PREX1: variants seen among roughly 807,000 people sequenced by gnomAD.
PREX1 encodes phosphatidylinositol-3,4,5-trisphosphate dependent Rac exchange factor 1.
Under a neutral mutation model 198.3 loss-of-function variants are expected in PREX1, and 41 were observed. That is an observed-to-expected ratio of 0.21 (90% CI 0.16 to 0.27). PREX1 has a LOEUF of 0.27. PREX1 is among the 10% of genes least tolerant of loss of function. PREX1 has a pLI of 1.00. For missense variants in PREX1, 1,620 were observed against 2,200.7 expected (o/e 0.74, Z 5.28); for synonymous variants, 843 against 887.2 (o/e 0.95, Z 0.89).
chr20:48,840,982 G>A, the PREX1 span, among the ~76,000 whole-genome samples: 1 of 149,826 alleles, frequency 6.7e-6, no homozygotes, highest in South Asian at 2.1e-4. Context: ...AAAAAAATGT[G>A]CAGATGGGGG....
chr20:48,637,853 C>A, intron 30 of PREX1, 101 bp from the exon 31 acceptor site: 2 of 1,038,610 alleles, frequency 1.9e-6, no homozygotes, highest in Non-Finnish European at 2.9e-6. Flanking sequence ...CCAAGGTGCT[C>A]TGACCCTTCA....
the PREX1 span, among the ~76,000 whole-genome samples, chr20:48,848,247 T>C: frequency 6.6e-6 from 1 of 151,012 alleles, no homozygotes; most frequent in African/African-American, 2.5e-5. Context: ...TTACATTTTT[T>C]CTTTTTTTTT....
chr20:48,626,982 G>A (rs1369772802), intron 39 of PREX1, among the ~76,000 whole-genome samples: 17 of 152,190 alleles, frequency 1.1e-4, no homozygotes, highest in Admixed American at 1.0e-3. Context: ...AGGGCAGGGT[G>A]GGAGGACAGG....
chr20:48,788,734 G>T (rs903376558), intron 1 of PREX1, among the ~76,000 whole-genome samples: 2 of 152,186 alleles, frequency 1.3e-5, no homozygotes, highest in African/African-American at 4.8e-5. Flanking sequence ...CAGAGGTGGG[G>T]CCTGTAAGAG....
intron 3 of PREX1, among the ~76,000 whole-genome samples, chr20:48,742,683 G>T (rs73911669): frequency 6.6e-6 from 1 of 152,158 alleles, no homozygotes; most frequent in Non-Finnish European, 1.5e-5. Context: ...GCAGAAGAGA[G>T]GACACGGAAA....
chr20:48,716,402 G>GTT (rs1241721752), intron 5 of PREX1, among the ~76,000 whole-genome samples: 1 of 152,174 alleles, frequency 6.6e-6, no homozygotes, highest in Non-Finnish European at 1.5e-5. Context: ...CAGCATGGCC[G>GTT]TAAGAGGCAG....
At chr20:48,643,353 C>T (rs1031969736) in intron 27 of PREX1, among the ~76,000 whole-genome samples, 5 of 152,060 alleles carry the variant, frequency 3.3e-5, no homozygotes, top group African/African-American at 1.2e-4. Context: ...CCTGTAATCC[C>T]AGCTACTCAG....
intron 5 of PREX1, among the ~76,000 whole-genome samples, chr20:48,715,151 G>C (rs1287244168): frequency 6.6e-6 from 1 of 152,212 alleles, no homozygotes; most frequent in East Asian, 1.9e-4. Context: ...GCCCAGAGAA[G>C]AGTATTTCTG....
the PREX1 span, among the ~76,000 whole-genome samples, chr20:48,849,087 C>A: frequency 1.3e-5 from 2 of 149,008 alleles, no homozygotes; most frequent in South Asian, 2.1e-4. Flanking sequence ...CAGAGGAAGA[C>A]CCTGTCTCAA....
At chr20:48,794,352 C>T (rs974238755) in intron 1 of PREX1, among the ~76,000 whole-genome samples, 15 of 152,138 alleles carry the variant, frequency 9.9e-5, no homozygotes, top group African/African-American at 3.1e-4. Context: ...AGGCAAGGGG[C>T]GGACAGAGAG....
the PREX1 span, among the ~76,000 whole-genome samples, chr20:48,847,364 T>TAAAAAAAAAAAAAAAAAAAAAAAAAAAA: frequency 2.6e-5 from 2 of 77,236 alleles, no homozygotes; most frequent in Non-Finnish European, 5.2e-5. Context: ...CCTTCTCTTA[T>TAAAAAAAAAAAAAAAAAAAAAAAAAAAA]AAAAAAAAAA....
intron 1 of PREX1, among the ~76,000 whole-genome samples, chr20:48,770,568 G>C (rs1293588726): frequency 6.6e-6 from 1 of 152,194 alleles, no homozygotes; most frequent in Non-Finnish European, 1.5e-5. Context: ...AAATTAGCCA[G>C]ACATGGTGGT....
At chr20:48,814,029 G>T (rs1372456832) in intron 1 of PREX1, among the ~76,000 whole-genome samples, 1 of 152,146 alleles carries the variant, frequency 6.6e-6, no homozygotes, top group African/African-American at 2.4e-5. Context: ...TCCCTGACGT[G>T]GCAAATAAAA....
intron 16 of PREX1, among the ~76,000 whole-genome samples, chr20:48,659,369 GA>G (rs2089572747): frequency 6.6e-6 from 1 of 151,464 alleles, no homozygotes; most frequent in African/African-American, 2.4e-5. Context: ...GAGAGAAGGG[GA>G]GGGGAGGGGA....
At chr20:48,770,374 G>C (rs549848508) in intron 1 of PREX1, among the ~76,000 whole-genome samples, 6 of 152,302 alleles carry the variant, frequency 3.9e-5, no homozygotes, top group Admixed American at 3.3e-4. Flanking sequence ...AAGCAGCTCA[G>C]AGGAGGTCAG....
intron 1 of PREX1, among the ~76,000 whole-genome samples, chr20:48,811,587 T>A (rs2090435750): frequency 7.0e-6 from 1 of 143,440 alleles, no homozygotes; most frequent in Admixed American, 6.9e-5. Flanking sequence ...CACACACACG[T>A]GTGCATGCAC....
intron 32 of PREX1, 88 bp from the exon 33 acceptor site, chr20:48,634,863 G>T: frequency 8.5e-7 from 1 of 1,169,692 alleles, no homozygotes; most frequent in Non-Finnish European, 1.3e-6. Flanking sequence ...ACTCTAGTCG[G>T]CACTCCACAC....
At chr20:48,696,660 C>T (rs888828726) in intron 7 of PREX1, among the ~76,000 whole-genome samples, 4 of 151,664 alleles carry the variant, frequency 2.6e-5, no homozygotes, top group South Asian at 2.1e-4. Flanking sequence ...CACGTACACA[C>T]GTACACAAAC....
chr20:48,627,319 T>TA (rs975506839), intron 39 of PREX1, among the ~76,000 whole-genome samples: 11 of 147,016 alleles, frequency 7.5e-5, no homozygotes, highest in Non-Finnish European at 6.0e-5. Context: ...GAGGATCTCA[T>TA]AGAGTCACCG....
Sources: allele counts gnomAD v4.1 joint callset (sites outside exome capture counted in the v4.1 genomes callset), GRCh38; gene constraint gnomAD v4.1.1; transcripts MANE v1.5; gene names NCBI Gene and HGNC (gene_info 2026-07-23, HGNC 2026-07-21).